Variants in SLC26A2 observed in about 807,000 individuals in gnomAD.
SLC26A2 encodes the protein sulfate transporter.
A neutral mutation model predicts 41.1 loss-of-function variants in SLC26A2; 36 were observed. That is an observed-to-expected ratio of 0.88 (90% CI 0.67 to 1.16). The LOEUF (loss-of-function observed/expected upper bound fraction) is 1.16, where lower values mean the gene tolerates loss of function less well. Among genes scored for constraint, SLC26A2 ranks in the 50% most tolerant of loss-of-function variants. The pLI, the probability that SLC26A2 is intolerant of heterozygous loss-of-function variation, is 0.00. For synonymous variants in SLC26A2, 291 were observed against 311.6 expected (o/e 0.93, Z 0.70); for missense variants, 796 against 869.6 (o/e 0.92, Z 1.07).
In SLC26A2 at chr5:149,982,070, T is replaced by C. The variant is rs1034732914; in HGVS notation, c.*257T>C. 6 of 483,982 alleles carry C rather than the reference T, an allele frequency of 1.2e-5. No individual in the cohort carries two copies. The highest frequency in any genetic ancestry group is 1.2e-4 in the African/African-American group (6 of 51,550). The allele number at this position is 483,982 out of a possible 1,614,324, so 30.0% of individuals were successfully genotyped here. A position where few individuals can be genotyped will look rare whatever the true frequency, so the allele number is the denominator to read the frequency against. On this transcript the variant is annotated 3_prime_UTR_variant, in exon 3 of 3. Transcript: ENST00000286298. Reference sequence around the variant, plus strand: ...GTATTCTTGGAATGCAATAAGTATGTATTGAACTGTACTGTAAAGTAGCTC... The same window carrying C: ...GTATTCTTGGAATGCAATAAGTATGCATTGAACTGTACTGTAAAGTAGCTC...
rs1180284436 is a variant in SLC26A2 at position 149,980,343 on chromosome 5, T to C, written c.750T>C (p.Asp250=). Residue 250 remains aspartate (D), a synonymous_variant, in exon 3 of 3, where the codon GAT becomes GAC. Coordinates refer to ENST00000286298, the MANE Select transcript of SLC26A2 (RefSeq NM_000112.4). Reference sequence around the variant, plus strand: ...GTTTTGTTTCTGTCTACCTCTCAGATGCCTTGCTGAGTGGATTTGTCACTG... The same window carrying C: ...GTTTTGTTTCTGTCTACCTCTCAGACGCCTTGCTGAGTGGATTTGTCACTG... ...QVGFVSVYLS[D]ALLSGFVTGA... The C allele has an allele frequency of 3.7e-6, 6 of 1,614,172 alleles. No individual in the cohort carries two copies. The highest frequency in any genetic ancestry group is 1.6e-4 in the Middle Eastern group (1 of 6,062).
rs1561823072 is a variant in SLC26A2, at chr5:149,981,317, A to G, written c.1724A>G (p.Lys575Arg). 1 of 1,614,044 alleles carries G rather than the reference A, an allele frequency of 6.2e-7. No homozygotes were observed. The highest frequency in any genetic ancestry group is 8.5e-7 in the Non-Finnish European group (1 of 1,180,004). Residue 575 changes from lysine to arginine, a missense_variant, in exon 3 of 3, where the codon AAG becomes AGG. Coordinates refer to ENST00000286298, the MANE Select transcript of SLC26A2 (RefSeq NM_000112.4). ...SVSAYKNLQI[K>R]PGIKIFRFVA... is the part of the protein sequence containing the mutation. Reference sequence around the variant, plus strand: ...TCTGCTTACAAGAACCTTCAGATTAAGCCAGGCATCAAGATTTTCCGCTTT... The same window carrying G: ...TCTGCTTACAAGAACCTTCAGATTAGGCCAGGCATCAAGATTTTCCGCTTT...
chr5:149,971,796 T>C (rs1754911178), intron 1 of SLC26A2, among the ~76,000 whole-genome samples: 1 of 152,224 alleles, frequency 6.6e-6, no homozygotes, highest in African/African-American at 2.4e-5. Flanking sequence ...AATGAAATAA[T>C]ATAACATCAG....
chr5:149,968,252 T>TA (rs1754839964), intron 1 of SLC26A2, among the ~76,000 whole-genome samples: 1 of 152,192 alleles, frequency 6.6e-6, no homozygotes, highest in Admixed American at 6.5e-5. Flanking sequence ...CTGTTCGAGT[T>TA]ACAGTTTTTA....
In SLC26A2 at chr5:149,986,828, A is replaced by T. The variant is rs1006067219; in HGVS notation, c.*5015A>T. 1 of 152,196 alleles carries T rather than the reference A, an allele frequency of 6.6e-6. No homozygotes were observed. Among genetic ancestry groups the T allele is most frequent in the Non-Finnish European group, 1.5e-5 (1 of 68,024 alleles). 9.4% of individuals were successfully genotyped at this position (152,196 alleles called of 1,614,324 possible). A position where few individuals can be genotyped will look rare whatever the true frequency, so the allele number is the denominator to read the frequency against. ...TGGAGATGTTCTCTTCCCTTATCTC[A>T]TGCGTCATCCCTAAAATAATAAGAT... is the stretch of plus-strand genomic sequence containing the variant. On this transcript the variant is annotated 3_prime_UTR_variant, in exon 3 of 3. Transcript: ENST00000286298.
chr5:149,980,372 C>G lies in SLC26A2; in HGVS notation c.779C>G (p.Ala260Gly). 6.2e-7 allele frequency: 1 copy of G among 1,614,060 alleles called. No homozygotes were observed. Among genetic ancestry groups the G allele is most frequent in the Non-Finnish European group, 8.5e-7 (1 of 1,179,958 alleles). Residue 260 changes from alanine to glycine, a missense_variant, in exon 3 of 3, where the codon GCC becomes GGC. Transcript: ENST00000286298. The stretch of plus-strand genomic sequence containing the variant: ...TTGCTGAGTGGATTTGTCACTGGTG[C>G]CTCCTTCACTATTCTTACATCTCAG... ...DALLSGFVTG[A>G]SFTILTSQAK...
intron 1 of SLC26A2, among the ~76,000 whole-genome samples, chr5:149,975,884 G>A (rs186785937): frequency 9.9e-5 from 15 of 152,246 alleles, no homozygotes; most frequent in Admixed American, 3.9e-4. Flanking sequence ...TCGGCTGGGT[G>A]CAGTGGCTCG....
At chr5:149,974,935 T>C (rs553875798) in intron 1 of SLC26A2, among the ~76,000 whole-genome samples, 73 of 152,216 alleles carry the variant, frequency 4.8e-4, no homozygotes, top group South Asian at 1.2e-3. Flanking sequence ...ATGTTGGTCA[T>C]GCTGGTCTTG....
intron 1 of SLC26A2, among the ~76,000 whole-genome samples, chr5:149,963,120 A>ATTTT (rs869094261): frequency 8.2e-6 from 1 of 121,588 alleles, no homozygotes; most frequent in South Asian, 2.6e-4. Flanking sequence ...TTATTTATTT[A>ATTTT]TTTTTTGAGA....
chr5:149,981,209 T>A lies in SLC26A2; in HGVS notation c.1616T>A (p.Ile539Lys). Reference protein sequence around the residue: ...IGLLVGVCFSIFCVILRTQKP... With the variant: ...IGLLVGVCFSKFCVILRTQKP... ...CTACTTGTTGGGGTTTGTTTTTCTA[T>A]ATTTTGTGTCATCCTCCGCACTCAG... The change falls in exon 3 of 3, where the codon ATA becomes AAA. Residue 539 changes from isoleucine (I) to lysine (K), a missense_variant. Coordinates refer to ENST00000286298, the MANE Select transcript of SLC26A2 (RefSeq NM_000112.4). The A allele has an allele frequency of 6.2e-7, 1 of 1,614,168 alleles. No homozygotes were observed. The highest frequency in any genetic ancestry group is 1.1e-5 in the South Asian group (1 of 91,080).
rs964725806 is a variant in SLC26A2, at chr5:149,986,348, T to C, written c.*4535T>C. 12 of 151,920 alleles carry C rather than the reference T, an allele frequency of 7.9e-5. No individual in the cohort carries two copies. Among genetic ancestry groups the C allele is most frequent in the African/African-American group, 2.9e-4 (12 of 41,350 alleles). The allele number at this position is 151,920 out of a possible 1,614,324, so 9.4% of individuals were successfully genotyped here. ...TGGTTGCTAATTACAAGAATGAAAA[T>C]TATAATGGAAAAGGACAAAATAATA... On this transcript the variant is annotated 3_prime_UTR_variant, in exon 3 of 3. Coordinates refer to ENST00000286298, the MANE Select transcript of SLC26A2 (RefSeq NM_000112.4).
chr5:149,980,235 A>T (rs1755066767), intron 2 of SLC26A2, 58 bp from the exon 3 acceptor site: 5 of 1,366,034 alleles, frequency 3.7e-6, no homozygotes, highest in Non-Finnish European at 5.2e-6. Flanking sequence ...TCAGGATAAT[A>T]TAAAATTTAG....
chr5:149,962,604 G>T (rs1181628375), intron 1 of SLC26A2, among the ~76,000 whole-genome samples: 12 of 152,146 alleles, frequency 7.9e-5, no homozygotes. Flanking sequence ...CTTCCAAAGT[G>T]CTGGGATTAC....
At chr5:149,977,579 G>C (rs1354047384) in intron 1 of SLC26A2, 49 bp from the exon 2 acceptor site, 2 of 942,670 alleles carry the variant, frequency 2.1e-6, no homozygotes, top group Non-Finnish European at 3.5e-6. Flanking sequence ...GTATATGTGA[G>C]CACTGAGAAT....
Position 149,982,091 on chromosome 5 carries a change from A to T in SLC26A2, c.*278A>T. The T allele has an allele frequency of 2.8e-6, 1 of 362,444 alleles. No homozygotes were observed. Among genetic ancestry groups the T allele is most frequent in the South Asian group, 4.7e-5 (1 of 21,366 alleles). The allele number at this position is 362,444 out of a possible 1,614,324, so 22.5% of individuals were successfully genotyped here. On this transcript the variant is annotated 3_prime_UTR_variant, in exon 3 of 3. Transcript: ENST00000286298. The stretch of plus-strand genomic sequence containing the variant: ...TATGTATTGAACTGTACTGTAAAGT[A>T]GCTCCAAAACTTAATTACTCTCCTG...
intron 1 of SLC26A2, among the ~76,000 whole-genome samples, chr5:149,974,719 G>A (rs1245186956): frequency 1.5e-5 from 2 of 137,872 alleles, no homozygotes; most frequent in East Asian, 2.1e-4. Context: ...CACTGCACCC[G>A]GCCTTTTTTT....
At chr5:149,963,738 C>CTTTTTT (rs761075019) in intron 1 of SLC26A2, among the ~76,000 whole-genome samples, 14 of 78,248 alleles carry the variant, frequency 1.8e-4, no homozygotes, top group Admixed American at 5.4e-4. Context: ...ATTTGTTTAA[C>CTTTTTT]TTTTTTTTTT....
rs577273710 is a variant in SLC26A2, at chr5:149,978,910, GT to G, written c.699+563del. ...TATTTTTATTTTTTGTAGAGACAGG[GT>G]TTTGCCACGTTGCCCAGGCTGGTTT... On this transcript the variant is annotated intron_variant, in intron 2 of 2. Coordinates refer to ENST00000286298, the MANE Select transcript of SLC26A2 (RefSeq NM_000112.4). Among the ~76,000 whole-genome samples, 21 of 151,678 alleles carry G rather than the reference GT, an allele frequency of 1.4e-4. 1 individual carries two copies. In the East Asian group the frequency reaches 4.1e-3, roughly 29 times the overall value.
chr5:149,976,667 T>G (rs1357903016), intron 1 of SLC26A2, among the ~76,000 whole-genome samples: 2 of 152,246 alleles, frequency 1.3e-5, no homozygotes, highest in African/African-American at 4.8e-5. Flanking sequence ...TTCTGGCTAT[T>G]TTTACCTCCT....
Sources: gnomAD v4.1 joint callset for allele counts (sites outside exome capture counted in the v4.1 genomes callset) on GRCh38, gnomAD v4.1.1 for gene constraint, MANE v1.5 for transcripts, NCBI Gene and HGNC (gene_info 2026-07-23, HGNC 2026-07-21) for gene names.